The following PIAS1 variants were observed in gnomAD, a reference collection of about 807,000 sequenced individuals.
PIAS1 encodes protein inhibitor of activated STAT 1.
PIAS1 carries 6 observed loss-of-function variants against 71.3 expected under a neutral mutation model. The observed-to-expected ratio is 0.08, with a 90% CI of 0.05 to 0.17. The LOEUF is 0.17. PIAS1 is among the 10% of genes least tolerant of loss of function. The pLI is 1.00. For synonymous variants in PIAS1, 303 were observed against 292.9 expected (o/e 1.03, Z -0.35); for missense variants, 555 against 793.6 (o/e 0.70, Z 3.61).
intron 2 of PIAS1, among the ~76,000 whole-genome samples, chr15:68,092,950 G>C (rs574758225): frequency 6.6e-6 from 1 of 152,300 alleles, no homozygotes; most frequent in South Asian, 2.1e-4. Flanking sequence ...AACCAGTAGT[G>C]AATTGATAAA....
intron 2 of PIAS1, among the ~76,000 whole-genome samples, chr15:68,102,053 G>A (rs577612394): frequency 7.2e-4 from 109 of 152,192 alleles, no homozygotes; most frequent in African/African-American, 2.6e-3. Context: ...AAACCTCTCT[G>A]CCTGACTTTA....
chr15:68,150,028 G>A (rs2092834503), intron 6 of PIAS1, among the ~76,000 whole-genome samples: 2 of 151,570 alleles, frequency 1.3e-5, no homozygotes, highest in South Asian at 4.2e-4. Context: ...TTTTAGAAAT[G>A]GATTTTGAAT....
intron 2 of PIAS1, among the ~76,000 whole-genome samples, chr15:68,101,358 G>A (rs1227765274): frequency 7.7e-6 from 1 of 129,094 alleles, no homozygotes; most frequent in Non-Finnish European, 1.6e-5. Flanking sequence ...TAACTTATGA[G>A]TTTTCAGAGT....
Position 68,193,835 on chromosome 15 carries a change from T to C in PIAS1, c.*6000T>C, listed in dbSNP as rs936727979. 1.4e-5 allele frequency: 8 copies of C among 576,656 alleles called. No individual in the cohort carries two copies. The highest frequency in any genetic ancestry group is 2.5e-5 in the Non-Finnish European group (8 of 322,512). 35.7% of individuals were successfully genotyped at this position (576,656 alleles called of 1,614,324 possible). A position where few individuals can be genotyped will look rare whatever the true frequency, so the allele number is the denominator to read the frequency against. The stretch of plus-strand genomic sequence containing the variant: ...ATCAATACAAATCTTTTATTAAAGA[T>C]CTACTCATACCATGGCTGAAATCAT... On this transcript the variant is annotated 3_prime_UTR_variant, in exon 14 of 14. Coordinates refer to ENST00000249636, the MANE Select transcript of PIAS1 (RefSeq NM_016166.3).
chr15:68,167,994 AC>A lies in PIAS1; in HGVS notation c.1008+3192del, dbSNP rs1386818292. ...AATGCTGGGATTACAGGTGTGAGCCACCACTCCCAGCCTTTTTAAAATTTTA... is the reference window on the plus strand; with the variant it reads ...AATGCTGGGATTACAGGTGTGAGCCACACTCCCAGCCTTTTTAAAATTTTA... On this transcript the variant is annotated intron_variant, in intron 8 of 13. Coordinates refer to ENST00000249636, the MANE Select transcript of PIAS1 (RefSeq NM_016166.3). The surrounding 1 kb of genome is among the most constrained non-coding windows in gnomAD (Gnocchi z 4.4). 4.0e-5 allele frequency among the ~76,000 whole-genome samples: 6 copies of A among 151,414 alleles called. No individual in the cohort carries two copies. Among genetic ancestry groups the A allele is most frequent in the African/African-American group, 1.5e-4 (6 of 41,064 alleles).
At chr15:68,066,018 T>C (rs141539607) in intron 1 of PIAS1, among the ~76,000 whole-genome samples, 13 of 138,146 alleles carry the variant, frequency 9.4e-5, no homozygotes, top group African/African-American at 3.4e-4. Flanking sequence ...CTCCTAAAAG[T>C]GTTGGAATTC....
intron 6 of PIAS1, among the ~76,000 whole-genome samples, chr15:68,147,350 G>A (rs991750385): frequency 6.6e-6 from 1 of 151,978 alleles, no homozygotes; most frequent in Non-Finnish European, 1.5e-5. Context: ...CATTATTACT[G>A]AGATTGAATA....
At chr15:68,066,785 T>G (rs1393424553) in intron 1 of PIAS1, among the ~76,000 whole-genome samples, 2 of 150,728 alleles carry the variant, frequency 1.3e-5, no homozygotes, top group Non-Finnish European at 3.0e-5. Flanking sequence ...TCTTAAAGGT[T>G]AAAGACCTTT....
intron 1 of PIAS1, among the ~76,000 whole-genome samples, chr15:68,084,916 A>G (rs1304249520): frequency 1.3e-5 from 2 of 152,226 alleles, no homozygotes; most frequent in Non-Finnish European, 2.9e-5. Flanking sequence ...GCCAAAGGCT[A>G]ACAAAAGCTG....
chr15:68,145,179 A>G (rs936236592), intron 4 of PIAS1, among the ~76,000 whole-genome samples: 3 of 152,182 alleles, frequency 2.0e-5, no homozygotes, highest in Admixed American at 2.0e-4. Context: ...AAATATTTTT[A>G]TAAGTTTCTA....
At chr15:68,140,223 T>A (rs2092761164) in intron 2 of PIAS1, among the ~76,000 whole-genome samples, 1 of 152,218 alleles carries the variant, frequency 6.6e-6, no homozygotes, top group African/African-American at 2.4e-5. Flanking sequence ...TATCCAAAAC[T>A]TACTGTAGTC....
At chr15:68,118,914 A>G (rs2092588818) in intron 2 of PIAS1, among the ~76,000 whole-genome samples, 1 of 152,206 alleles carries the variant, frequency 6.6e-6, no homozygotes, top group South Asian at 2.1e-4. Context: ...TTGAAAGCAC[A>G]GAGAACAAAA....
At chr15:68,067,072 C>G (rs180965203) in intron 1 of PIAS1, among the ~76,000 whole-genome samples, 3 of 152,006 alleles carry the variant, frequency 2.0e-5, no homozygotes, top group East Asian at 3.9e-4. Flanking sequence ...TTAATCTCCA[C>G]TTTTAGATTT....
intron 2 of PIAS1, among the ~76,000 whole-genome samples, chr15:68,109,099 A>T (rs924702654): frequency 6.6e-6 from 1 of 152,196 alleles, no homozygotes; most frequent in South Asian, 2.1e-4. Context: ...GACTCTAACA[A>T]CACTGGTCTA....
chr15:68,168,020 A>T (rs2092967851), intron 8 of PIAS1, among the ~76,000 whole-genome samples: 1 of 145,726 alleles, frequency 6.9e-6, no homozygotes, highest in Admixed American at 6.9e-5. Context: ...TTAAAATTTT[A>T]TTTTTTGAGA....
rs1453742110 is a variant in PIAS1, at chr15:68,192,718, TCCTCCCAAAAGA to T, written c.*4885_*4896del. The T allele has an allele frequency of 1.3e-5, 2 of 152,236 alleles. No homozygotes were observed. Among genetic ancestry groups the T allele is most frequent in the Non-Finnish European group, 2.9e-5 (2 of 68,088 alleles). 9.4% of individuals were successfully genotyped at this position (152,236 alleles called of 1,614,324 possible). A position where few individuals can be genotyped will look rare whatever the true frequency, so the allele number is the denominator to read the frequency against. ...TAGTGAAAGATTTGTGTCTTGTACA[TCCTCCCAAAAGA>T]CACATCCCATTTGATTTGGTTTTCT... On this transcript the variant is annotated 3_prime_UTR_variant, in exon 14 of 14. Transcript: ENST00000249636.
At chr15:68,120,418 A>G (rs1188333895) in intron 2 of PIAS1, among the ~76,000 whole-genome samples, 10 of 151,016 alleles carry the variant, frequency 6.6e-5, no homozygotes, top group Non-Finnish European at 1.2e-4. Context: ...CCCCTTTTTC[A>G]TATGCCTTCT....
chr15:68,062,281 A>T (rs1418591299), intron 1 of PIAS1, among the ~76,000 whole-genome samples: 1 of 152,220 alleles, frequency 6.6e-6, no homozygotes, highest in Non-Finnish European at 1.5e-5. Flanking sequence ...AGACCTCATC[A>T]TCTTCATTCT....
intron 1 of PIAS1, among the ~76,000 whole-genome samples, chr15:68,077,999 G>T (rs2092188373): frequency 6.6e-6 from 1 of 152,140 alleles, no homozygotes; most frequent in African/African-American, 2.4e-5. Flanking sequence ...CTCTCAGATA[G>T]GGTATACTGT....
Sources: allele counts gnomAD v4.1 joint callset (sites outside exome capture counted in the v4.1 genomes callset), GRCh38; gene constraint gnomAD v4.1.1; non-coding constraint Gnocchi (gnomAD v3.1); transcripts MANE v1.5; gene names NCBI Gene and HGNC (gene_info 2026-07-23, HGNC 2026-07-21).